Variants in PCSK2 observed in about 807,000 individuals in gnomAD.
PCSK2 encodes the protein proprotein convertase subtilisin/kexin type 2.
A neutral mutation model predicts 69.7 loss-of-function variants in PCSK2; 14 were observed. That is an observed-to-expected ratio of 0.20 (90% CI 0.13 to 0.31). The LOEUF (loss-of-function observed/expected upper bound fraction) is 0.31. Ranked by LOEUF, PCSK2 falls within the 10% of genes least tolerant of loss-of-function variation. PCSK2 has a pLI of 1.00. For synonymous variants in PCSK2, 307 were observed against 320.7 expected (o/e 0.96, Z 0.46); for missense variants, 544 against 842.5 (o/e 0.65, Z 4.39).
chr20:17,446,290 C>G (rs1311599486), intron 8 of PCSK2, among the ~76,000 whole-genome samples: 1 of 152,156 alleles, frequency 6.6e-6, no homozygotes, highest in African/African-American at 2.4e-5. Context: ...GGATTTAAAT[C>G]AGAGGCCAGG....
At chr20:17,384,760 C>T (rs1300740686) in intron 5 of PCSK2, among the ~76,000 whole-genome samples, 1 of 152,134 alleles carries the variant, frequency 6.6e-6, no homozygotes, top group Non-Finnish European at 1.5e-5. Flanking sequence ...TGGCAACACC[C>T]TGTCGCTACA....
intron 1 of PCSK2, among the ~76,000 whole-genome samples, chr20:17,228,981 G>T (rs1986042588): frequency 6.6e-6 from 1 of 152,156 alleles, no homozygotes; most frequent in African/African-American, 2.4e-5. Flanking sequence ...CCTGCCGGCT[G>T]TTTTGAGAGA....
intron 4 of PCSK2, among the ~76,000 whole-genome samples, chr20:17,366,904 C>T (rs1431170260): frequency 6.6e-6 from 1 of 152,092 alleles, no homozygotes; most frequent in Non-Finnish European, 1.5e-5. Context: ...GAAGACACTA[C>T]TATTTATTGG....
intron 5 of PCSK2, among the ~76,000 whole-genome samples, chr20:17,381,596 A>G (rs544236353): frequency 6.6e-6 from 1 of 152,302 alleles, no homozygotes; most frequent in South Asian, 2.1e-4. Context: ...GTCATCCCCA[A>G]CAAGATTCTC....
intron 6 of PCSK2, among the ~76,000 whole-genome samples, chr20:17,424,909 C>G (rs900249072): frequency 6.6e-6 from 1 of 152,050 alleles, no homozygotes; most frequent in Admixed American, 6.6e-5. Context: ...CTCAGCCTCC[C>G]GAGTAGCTAG....
intron 11 of PCSK2, among the ~76,000 whole-genome samples, chr20:17,467,465 G>A (rs953345158): frequency 6.6e-6 from 1 of 152,352 alleles, no homozygotes; most frequent in Non-Finnish European, 1.5e-5. Flanking sequence ...GAGCAGCAGT[G>A]ATGACTAATT....
intron 2 of PCSK2, among the ~76,000 whole-genome samples, chr20:17,271,519 G>C (rs1381337262): frequency 6.6e-6 from 1 of 152,098 alleles, no homozygotes. Context: ...ATTACAAATT[G>C]AGGTGGGTCA....
chr20:17,371,185 C>A (rs1036186234), intron 5 of PCSK2, among the ~76,000 whole-genome samples: 1 of 152,284 alleles, frequency 6.6e-6, no homozygotes, highest in Middle Eastern at 3.4e-3. Context: ...CATAGCATAA[C>A]CCCACAAAGG....
intron 11 of PCSK2, among the ~76,000 whole-genome samples, chr20:17,469,651 C>T (rs1344622780): frequency 6.6e-6 from 1 of 152,118 alleles, no homozygotes; most frequent in Admixed American, 6.5e-5. Flanking sequence ...TGACCTTGAC[C>T]TTAATCAGCT....
chr20:17,440,291 A>G (rs2032569735), intron 8 of PCSK2, among the ~76,000 whole-genome samples: 1 of 152,216 alleles, frequency 6.6e-6, no homozygotes, highest in African/African-American at 2.4e-5. Flanking sequence ...ACAAGATCCC[A>G]TTAAAGTTTG....
intron 6 of PCSK2, 54 bp downstream of exon 6, chr20:17,409,393 A>G: frequency 7.9e-7 from 1 of 1,258,296 alleles, no homozygotes; most frequent in East Asian, 2.3e-5. Context: ...GTTTTATTCT[A>G]CTTTGTTTTG....
chr20:17,448,430 A>G (rs917348311), intron 8 of PCSK2, among the ~76,000 whole-genome samples: 12 of 152,196 alleles, frequency 7.9e-5, no homozygotes, highest in Admixed American at 7.9e-4. Context: ...CATTCTTTTT[A>G]TATTATGAGC....
intron 2 of PCSK2, among the ~76,000 whole-genome samples, chr20:17,313,579 C>G (rs1989583380): frequency 1.3e-5 from 2 of 152,150 alleles, no homozygotes; most frequent in South Asian, 4.1e-4. Flanking sequence ...TCATTTTTCT[C>G]CCCCTCATCA....
At chr20:17,444,597 G>A (rs1054197665) in intron 8 of PCSK2, among the ~76,000 whole-genome samples, 35 of 152,230 alleles carry the variant, frequency 2.3e-4, no homozygotes, top group African/African-American at 8.2e-4. Flanking sequence ...TTCTGTCTTA[G>A]TTTTAGATCT....
chr20:17,345,728 C>T (rs974078237), intron 2 of PCSK2, among the ~76,000 whole-genome samples: 8 of 152,142 alleles, frequency 5.3e-5, no homozygotes, highest in Middle Eastern at 3.2e-3. Flanking sequence ...ACTTGAAATT[C>T]GGTGCTCTTT....
chr20:17,360,929 T>TA (rs1414739551), intron 4 of PCSK2, among the ~76,000 whole-genome samples: 1 of 152,236 alleles, frequency 6.6e-6, no homozygotes, highest in Non-Finnish European at 1.5e-5. Flanking sequence ...GCTTACACTT[T>TA]ACCTTAAAAT....
At chr20:17,459,146 C>T (rs2032972108) in intron 10 of PCSK2, among the ~76,000 whole-genome samples, 1 of 152,122 alleles carries the variant, frequency 6.6e-6, no homozygotes, top group Non-Finnish European at 1.5e-5. Context: ...GAAAGAAATT[C>T]ATTAGGTGTG....
chr20:17,384,030 A>C (rs1164468177), intron 5 of PCSK2, among the ~76,000 whole-genome samples: 2 of 152,222 alleles, frequency 1.3e-5, no homozygotes, highest in East Asian at 3.9e-4. Context: ...ATTACAAGTA[A>C]TTAATATTGA....
At chr20:17,287,154 T>TA (rs555803739) in intron 2 of PCSK2, among the ~76,000 whole-genome samples, 3,955 of 146,904 alleles carry the variant, frequency 0.027, 149 homozygotes, top group African/African-American at 0.087. Flanking sequence ...TAATCACATC[T>TA]AAAAAAAAAA....
Sources: gnomAD v4.1 joint callset for allele counts (sites outside exome capture counted in the v4.1 genomes callset) on GRCh38, gnomAD v4.1.1 for gene constraint, MANE v1.5 for transcripts, NCBI Gene and HGNC (gene_info 2026-07-23, HGNC 2026-07-21) for gene names.